CTNND2: variants seen among roughly 807,000 people sequenced by gnomAD.
CTNND2 encodes catenin delta 2.
CTNND2 carries 22 observed loss-of-function variants against 144.4 expected under a neutral mutation model. That is an observed-to-expected ratio of 0.15 (90% CI 0.11 to 0.22). CTNND2 has a LOEUF of 0.22. Among genes scored for constraint, CTNND2 ranks in the 10% least tolerant of loss-of-function variants. The pLI is 1.00. For synonymous variants in CTNND2, 751 were observed against 695.6 expected (o/e 1.08, Z -1.25); for missense variants, 1,353 against 1,618.8 (o/e 0.84, Z 2.82).
At chr5:11,399,307 C>T (rs1386799357) in intron 5 of CTNND2, among the ~76,000 whole-genome samples, 2 of 152,158 alleles carry the variant, frequency 1.3e-5, no homozygotes, top group African/African-American at 4.8e-5. Context: ...AGTGCACAGA[C>T]CTTTGGAAAT....
At chr5:11,494,827 T>C (rs1397990227) in intron 3 of CTNND2, among the ~76,000 whole-genome samples, 1 of 152,142 alleles carries the variant, frequency 6.6e-6, no homozygotes, top group African/African-American at 2.4e-5. Flanking sequence ...ACCAATTGAG[T>C]CAATAAAAAA....
Position 11,470,215 on chromosome 5 carries a change from C to T in CTNND2, c.288-58146G>A, listed in dbSNP as rs530129631. The stretch of plus-strand genomic sequence containing the variant: ...CTTTGGGAGGCCGAGACAGGCGGAT[C>T]ACCTGAGGTCAGGAGTTCGAGACCA... On this transcript the variant is annotated intron_variant, in intron 3 of 21. Transcript: ENST00000304623. Among the ~76,000 whole-genome samples, 38 of 152,232 alleles carry T rather than the reference C, an allele frequency of 2.5e-4. No homozygotes were observed. In the South Asian group the frequency reaches 7.7e-3, roughly 31 times the overall value.
At position 11,888,748 on chromosome 5, in the gene CTNND2, CT is replaced by C. The variant is rs566356140; in HGVS notation, c.37+15068del. The stretch of plus-strand genomic sequence containing the variant: ...TATTTTTCAAGTTCTCAGAATGACT[CT>C]TTTTTTTTTTTTTTTTAGATGGAAT... On this transcript the variant is annotated intron_variant, in intron 1 of 21. Coordinates refer to ENST00000304623, the MANE Select transcript of CTNND2 (RefSeq NM_001332.4). Among the ~76,000 whole-genome samples the C allele has an allele frequency of 9.4e-3, 1,272 of 134,604 alleles. 7 individuals are homozygous for C. Among genetic ancestry groups the C allele is most frequent in the African/African-American group, 0.024 (864 of 36,670 alleles). 88.3% of individuals were successfully genotyped at this position (134,604 alleles called of 152,430 possible). A position where few individuals can be genotyped will look rare whatever the true frequency, so the allele number is the denominator to read the frequency against.
intron 3 of CTNND2, among the ~76,000 whole-genome samples, chr5:11,523,855 T>C (rs1422199826): frequency 6.6e-6 from 1 of 152,198 alleles, no homozygotes; most frequent in African/African-American, 2.4e-5. Flanking sequence ...TGAGCCCATG[T>C]TGCTGTGAAG....
chr5:10,998,623 G>A (rs1306619220), intron 18 of CTNND2, among the ~76,000 whole-genome samples: 1 of 152,142 alleles, frequency 6.6e-6, no homozygotes, highest in Non-Finnish European at 1.5e-5. Flanking sequence ...TAGTTCCGAT[G>A]CCACATACAG....
chr5:11,842,666 C>T (rs1043131471), intron 1 of CTNND2, among the ~76,000 whole-genome samples: 33 of 149,182 alleles, frequency 2.2e-4, no homozygotes, highest in African/African-American at 6.8e-4. Flanking sequence ...TTGCAGTGAA[C>T]GGAGATGGTG....
At chr5:11,019,885 C>A (rs1450506180) in intron 17 of CTNND2, among the ~76,000 whole-genome samples, 2 of 152,148 alleles carry the variant, frequency 1.3e-5, no homozygotes. Flanking sequence ...CAAATGTATT[C>A]TTGAGACAGA....
intron 2 of CTNND2, among the ~76,000 whole-genome samples, chr5:11,662,160 T>A (rs1783261939): frequency 6.9e-6 from 1 of 144,198 alleles, no homozygotes; most frequent in South Asian, 2.1e-4. Context: ...TATATATGTG[T>A]ATATATGTGT....
intron 9 of CTNND2, among the ~76,000 whole-genome samples, chr5:11,244,963 TCAGA>T (rs1429345256): frequency 6.6e-6 from 1 of 152,044 alleles, no homozygotes; most frequent in East Asian, 1.9e-4. Flanking sequence ...TTGAGGCAAC[TCAGA>T]CAAATTATAT....
At chr5:11,768,612 C>G (rs1283217494) in intron 1 of CTNND2, among the ~76,000 whole-genome samples, 2 of 152,188 alleles carry the variant, frequency 1.3e-5, no homozygotes, top group Non-Finnish European at 2.9e-5. Flanking sequence ...GCCAAAACAT[C>G]TGAGACACTA....
chr5:11,639,231 T>G (rs1781867447), intron 2 of CTNND2, among the ~76,000 whole-genome samples: 1 of 152,128 alleles, frequency 6.6e-6, no homozygotes, highest in Admixed American at 6.6e-5. Flanking sequence ...AACAAGGAAT[T>G]CGCAAGTCCA....
intron 18 of CTNND2, among the ~76,000 whole-genome samples, chr5:10,998,776 T>C (rs900248832): frequency 1.3e-5 from 2 of 152,236 alleles, no homozygotes; most frequent in Admixed American, 6.5e-5. Flanking sequence ...ATTATTTTCA[T>C]AGCACATTGT....
chr5:11,488,625 T>C (rs981514220), intron 3 of CTNND2, among the ~76,000 whole-genome samples: 1 of 152,156 alleles, frequency 6.6e-6, no homozygotes, highest in South Asian at 2.1e-4. Flanking sequence ...ATAACACATA[T>C]ATAGATTCAT....
rs936739146 is a variant in CTNND2, at chr5:10,987,993, C to T, written c.3343+118G>A. 65 of 1,335,262 alleles carry T rather than the reference C, an allele frequency of 4.9e-5. No homozygotes were observed. In the African/African-American group the frequency reaches 9.5e-4, roughly 19 times the overall value. The allele number at this position is 1,335,262 out of a possible 1,614,324, so 82.7% of individuals were successfully genotyped here. ...AAGCTCTCAAGTGACTGGACAGCTG[C>T]TAAGTCCTGCTCAGCAGCCAAGCGC... is the stretch of plus-strand genomic sequence containing the variant. On this transcript the variant is annotated intron_variant, in intron 20 of 21. Transcript: ENST00000304623.
chr5:11,805,502 C>A (rs1276431646), intron 1 of CTNND2, among the ~76,000 whole-genome samples: 1 of 150,950 alleles, frequency 6.6e-6, no homozygotes, highest in Non-Finnish European at 1.5e-5. Context: ...CCTCATAATG[C>A]CAGAAAATAA....
At chr5:11,725,052 C>T (rs1561735106) in intron 2 of CTNND2, among the ~76,000 whole-genome samples, 2 of 152,148 alleles carry the variant, frequency 1.3e-5, no homozygotes, top group African/African-American at 4.8e-5. Context: ...CTAATCTTCA[C>T]TTTTCCATGG....
intron 3 of CTNND2, among the ~76,000 whole-genome samples, chr5:11,563,148 G>A (rs1561560976): frequency 6.6e-6 from 1 of 152,230 alleles, no homozygotes; most frequent in Non-Finnish European, 1.5e-5. Context: ...TTGATTCACA[G>A]GTTACTAAAC....
chr5:11,776,132 T>C (rs1200517645), intron 1 of CTNND2, among the ~76,000 whole-genome samples: 2 of 152,160 alleles, frequency 1.3e-5, no homozygotes, highest in African/African-American at 2.4e-5. Flanking sequence ...TTTCTAGTGT[T>C]GTACACCGCT....
intron 12 of CTNND2, among the ~76,000 whole-genome samples, chr5:11,128,979 A>C (rs1486904049): frequency 2.4e-5 from 1 of 42,414 alleles, no homozygotes; most frequent in Non-Finnish European, 4.9e-5. Context: ...TATAATATAT[A>C]AATATATATA....
Sources: allele counts gnomAD v4.1 joint callset (sites outside exome capture counted in the v4.1 genomes callset), GRCh38; gene constraint gnomAD v4.1.1; transcripts MANE v1.5; gene names NCBI Gene and HGNC (gene_info 2026-07-23, HGNC 2026-07-21).